The following FLT1 variants were observed in gnomAD, a reference collection of about 807,000 sequenced individuals.
FLT1 encodes the protein vascular endothelial growth factor receptor 1.
A neutral mutation model predicts 156.3 loss-of-function variants in FLT1; 49 were observed. The observed-to-expected ratio is 0.31, with a 90% CI of 0.25 to 0.40. The LOEUF (loss-of-function observed/expected upper bound fraction) is 0.40. Ranked by LOEUF, FLT1 falls within the 10% of genes least tolerant of loss-of-function variation. FLT1 has a pLI of 1.00. For missense variants in FLT1, 1,322 were observed against 1,637.2 expected, an observed-to-expected ratio of 0.81 and a Z score of 3.32; for synonymous variants, 594 against 583.8, an observed-to-expected ratio of 1.02 and a Z score of -0.25.
chr13:28,391,552 G>T (rs1307399131), intron 12 of FLT1, among the ~76,000 whole-genome samples: 1 of 152,194 alleles, frequency 6.6e-6, no homozygotes, highest in Non-Finnish European at 1.5e-5. Context: ...ATTGATTGAT[G>T]TCTCATGTCT....
At chr13:28,309,848 G>A (rs1226431858) in intron 27 of FLT1, among the ~76,000 whole-genome samples, 4 of 150,932 alleles carry the variant, frequency 2.7e-5, no homozygotes, top group African/African-American at 9.7e-5. Context: ...TTTCTTTGAG[G>A]CCTGTCACAG....
At chr13:28,320,400 G>A (rs181463296) in intron 23 of FLT1, among the ~76,000 whole-genome samples, 101 of 152,196 alleles carry the variant, frequency 6.6e-4, no homozygotes, top group African/African-American at 2.3e-3. Context: ...TCGAAGTATG[G>A]TCCTGGGACA....
At chr13:28,422,306 C>T (rs1319397815) in intron 10 of FLT1, among the ~76,000 whole-genome samples, 1 of 69,190 alleles carries the variant, frequency 1.4e-5, no homozygotes, top group Non-Finnish European at 3.3e-5. Context: ...CCCGATGTTA[C>T]CTAAGTTTTT....
intron 15 of FLT1, among the ~76,000 whole-genome samples, chr13:28,348,411 T>C (rs1872633285): frequency 6.6e-6 from 1 of 152,194 alleles, no homozygotes; most frequent in Non-Finnish European, 1.5e-5. Context: ...TCCCACTTGC[T>C]TCAGTCACGC....
chr13:28,328,687 T>C (rs1593684496), intron 19 of FLT1, among the ~76,000 whole-genome samples: 1 of 152,202 alleles, frequency 6.6e-6, no homozygotes, highest in Admixed American at 6.5e-5. Flanking sequence ...TGCCGCAGAG[T>C]TCGGCTCCCG....
At chr13:28,364,113 T>A (rs1219035909) in intron 14 of FLT1, among the ~76,000 whole-genome samples, 2 of 152,238 alleles carry the variant, frequency 1.3e-5, no homozygotes, top group Admixed American at 6.5e-5. Context: ...GTTCTTTATA[T>A]GTTTGGGATG....
intron 14 of FLT1, among the ~76,000 whole-genome samples, chr13:28,377,805 A>G (rs1873902725): frequency 6.6e-6 from 1 of 152,188 alleles, no homozygotes; most frequent in Non-Finnish European, 1.5e-5. Context: ...AAAATGCTTT[A>G]TGTGTTTTTA....
At chr13:28,430,273 C>G in intron 7 of FLT1, 106 bp from the exon 8 acceptor site, 1 of 783,614 alleles carries the variant, frequency 1.3e-6, no homozygotes, top group Non-Finnish European at 2.2e-6. Flanking sequence ...ATAAACAGAG[C>G]TGAATTATGA....
intron 14 of FLT1, among the ~76,000 whole-genome samples, chr13:28,370,044 T>TA (rs1375328560): frequency 6.6e-6 from 1 of 151,296 alleles, no homozygotes; most frequent in African/African-American, 2.4e-5. Context: ...CTATAAAAAA[T>TA]AAAAAAAATT....
intron 10 of FLT1, among the ~76,000 whole-genome samples, chr13:28,406,106 G>A (rs1875785486): frequency 6.6e-6 from 1 of 151,996 alleles, no homozygotes; most frequent in Admixed American, 6.6e-5. Flanking sequence ...CCCCACACTA[G>A]TGTGTCACCA....
intron 20 of FLT1, among the ~76,000 whole-genome samples, chr13:28,326,613 C>T (rs1044714901): frequency 6.6e-6 from 1 of 150,930 alleles, no homozygotes; most frequent in East Asian, 1.9e-4. Context: ...GCAACCTCAG[C>T]CTCCCAGGCT....
chr13:28,420,741 C>T (rs1025699870), intron 10 of FLT1, among the ~76,000 whole-genome samples: 8 of 152,100 alleles, frequency 5.3e-5, no homozygotes, highest in Non-Finnish European at 8.8e-5. Flanking sequence ...TCTTTGAGTA[C>T]ATTTCTAATT....
chr13:28,453,931 C>A (rs1879120347), intron 3 of FLT1, among the ~76,000 whole-genome samples: 2 of 152,086 alleles, frequency 1.3e-5, no homozygotes, highest in African/African-American at 2.4e-5. Flanking sequence ...TCAGTAGGAG[C>A]ACCATCCCGA....
At chr13:28,351,056 G>C (rs1348820764) in intron 15 of FLT1, among the ~76,000 whole-genome samples, 2 of 150,954 alleles carry the variant, frequency 1.3e-5, no homozygotes, top group Non-Finnish European at 2.9e-5. Flanking sequence ...CTCAAGTGCA[G>C]AGTAATTTTT....
At chr13:28,356,822 T>C (rs758948430) in intron 15 of FLT1, among the ~76,000 whole-genome samples, 2 of 152,212 alleles carry the variant, frequency 1.3e-5, no homozygotes, top group Non-Finnish European at 2.9e-5. Context: ...GGTGCCAATC[T>C]GATATTTTAT....
chr13:28,495,108 G>A lies in FLT1; in HGVS notation c.-265C>T, dbSNP rs1475125050. 4.5e-6 allele frequency: 2 copies of A among 445,752 alleles called. No individual in the cohort carries two copies. The highest frequency in any genetic ancestry group is 7.8e-6 in the Non-Finnish European group (2 of 255,412). The allele number at this position is 445,752 out of a possible 1,614,324, so 27.6% of individuals were successfully genotyped here. On this transcript the variant is annotated 5_prime_UTR_variant, in exon 1 of 30. Coordinates refer to ENST00000282397, the MANE Select transcript of FLT1 (RefSeq NM_002019.4). The surrounding 1 kb of genome is among the most constrained non-coding windows in gnomAD (Gnocchi z 4.1). ...GAGGAGTGTCCGCCTGGCGCGCTCC[G>A]AGCCTCCCGCGGACCTCGATGAAGA... is the stretch of plus-strand genomic sequence containing the variant.
intron 14 of FLT1, among the ~76,000 whole-genome samples, chr13:28,372,202 C>G (rs1400449185): frequency 6.7e-6 from 1 of 148,260 alleles, no homozygotes; most frequent in African/African-American, 2.5e-5. Flanking sequence ...CTAGCTCAGT[C>G]TCCTGAGTAG....
chr13:28,350,439 G>A (rs1291234244), intron 15 of FLT1, among the ~76,000 whole-genome samples: 1 of 152,054 alleles, frequency 6.6e-6, no homozygotes, highest in African/African-American at 2.4e-5. Flanking sequence ...GAGTTCTGAA[G>A]GGGTGTGTAT....
intron 15 of FLT1, among the ~76,000 whole-genome samples, chr13:28,347,723 T>C (rs113187194): frequency 6.6e-5 from 10 of 152,224 alleles, no homozygotes; most frequent in African/African-American, 2.2e-4. Context: ...CAATAACTCA[T>C]TGGCCCTTAT....
Sources: allele counts gnomAD v4.1 joint callset (sites outside exome capture counted in the v4.1 genomes callset), GRCh38; gene constraint gnomAD v4.1.1; non-coding constraint Gnocchi (gnomAD v3.1); transcripts MANE v1.5; gene names NCBI Gene and HGNC (gene_info 2026-07-23, HGNC 2026-07-21).